GAL3ST2: variants seen among roughly 807,000 people sequenced by gnomAD.
The protein encoded by GAL3ST2 is beta-galactose-3-O-sulfotransferase 2.
Under a neutral mutation model 12.9 loss-of-function variants are expected in GAL3ST2, and 16 were observed. That is an observed-to-expected ratio of 1.24 (90% CI 0.84 to 1.88). The LOEUF is 1.88. Among genes scored for constraint, GAL3ST2 ranks in the 40% most tolerant of loss-of-function variants. GAL3ST2 has a pLI of 0.00. For synonymous variants in GAL3ST2, 302 were observed against 273.9 expected, an observed-to-expected ratio of 1.10 and a Z score of -1.01; for missense variants, 639 against 571.8, an observed-to-expected ratio of 1.12 and a Z score of -1.20.
chr2:241,797,671 G>A (rs1699789522), intron 1 of GAL3ST2, among the ~76,000 whole-genome samples: 2 of 150,674 alleles, frequency 1.3e-5, no homozygotes, highest in African/African-American at 5.0e-5. Context: ...AGGAATGGTC[G>A]TGTGACCACT....
intron 1 of GAL3ST2, among the ~76,000 whole-genome samples, chr2:241,781,913 G>T (rs1415565364): frequency 1.3e-5 from 2 of 152,238 alleles, no homozygotes; most frequent in African/African-American, 2.4e-5. Flanking sequence ...TAACCAAGGT[G>T]GTAACTCAAG....
intron 1 of GAL3ST2, among the ~76,000 whole-genome samples, chr2:241,783,151 C>A (rs917911636): frequency 6.6e-6 from 1 of 151,006 alleles, no homozygotes; most frequent in Non-Finnish European, 1.5e-5. Flanking sequence ...AAAAAAAAAA[C>A]CCACACAAAA....
Position 241,787,533 on chromosome 2 carries a change from T to TCTC in GAL3ST2, c.29+10555_29+10557dup, listed in dbSNP as rs771769168. Among the ~76,000 whole-genome samples the TCTC allele has an allele frequency of 3.5e-4, 44 of 124,546 alleles. 2 individuals carry two copies. Among genetic ancestry groups the TCTC allele is most frequent in the East Asian group, 3.4e-3 (15 of 4,364 alleles). The allele number at this position is 124,546 out of a possible 152,430, so 81.7% of individuals were successfully genotyped here. On this transcript the variant is annotated intron_variant, in intron 1 of 3. Coordinates refer to ENST00000192314, the MANE Select transcript of GAL3ST2 (RefSeq NM_022134.3). ...ATAAAGTTTATTTTGCTGTACAACT[T>TCTC]CTCCTCCTTTTTTTTTTTTTTTTTG...
chr2:241,784,541 T>G (rs1699605389), intron 1 of GAL3ST2, among the ~76,000 whole-genome samples: 1 of 152,206 alleles, frequency 6.6e-6, no homozygotes, highest in Non-Finnish European at 1.5e-5. Context: ...TGATTTAAAA[T>G]CCAGCGTATT....
At position 241,777,600 on chromosome 2, in the gene GAL3ST2, CGTCCCTGCGCTGGCAG is replaced by C. The variant is rs529674489; in HGVS notation, c.29+625_29+640del. On this transcript the variant is annotated intron_variant, in intron 1 of 3. Transcript: ENST00000192314. ...GGGTGATTCCAGGGCAGTTTGAAGCCGTCCCTGCGCTGGCAGGTCCCTGCCTCCCCGGGGCGTGTGC... is the reference window on the plus strand; with the variant it reads ...GGGTGATTCCAGGGCAGTTTGAAGCCGTCCCTGCCTCCCCGGGGCGTGTGC... Among the ~76,000 whole-genome samples, 28 of 152,302 alleles carry C rather than the reference CGTCCCTGCGCTGGCAG, an allele frequency of 1.8e-4. 1 individual carries two copies. Among genetic ancestry groups the C allele is most frequent in the East Asian group, 1.4e-3 (7 of 5,184 alleles).
rs1411075411 is a variant in GAL3ST2 at position 241,793,739 on chromosome 2, T to A, written c.30-5326T>A. ...GTATGCATGTGTGTATGTGTGTATA[T>A]GTATGTGTGTGTGTATTGTGTATGT... On this transcript the variant is annotated intron_variant, in intron 1 of 3. Transcript: ENST00000192314. The surrounding 1 kb of genome is among the most constrained non-coding windows in gnomAD (Gnocchi z 4.7). Among the ~76,000 whole-genome samples, 10 of 150,818 alleles carry A rather than the reference T, an allele frequency of 6.6e-5. No individual in the cohort carries two copies. The highest frequency in any genetic ancestry group is 2.4e-4 in the African/African-American group (10 of 41,240).
chr2:241,801,505 G>A lies in GAL3ST2; in HGVS notation c.120-276G>A, dbSNP rs970084683. ...CTTGGCCAAGATGGGGTTCATTTAGGGTTTTATTTTTAGTTCTCGGGGGCA... is the reference window on the plus strand; with the variant it reads ...CTTGGCCAAGATGGGGTTCATTTAGAGTTTTATTTTTAGTTCTCGGGGGCA... On this transcript the variant is annotated intron_variant, in intron 2 of 3. Transcript: ENST00000192314. The surrounding 1 kb of genome is among the most constrained non-coding windows in gnomAD (Gnocchi z 4.4). 12 of 540,884 alleles carry A rather than the reference G, an allele frequency of 2.2e-5. No homozygotes were observed. In the African/African-American group the frequency reaches 2.3e-4, roughly 10 times the overall value. 33.5% of individuals were successfully genotyped at this position (540,884 alleles called of 1,614,324 possible).
In GAL3ST2 at chr2:241,803,971, C is replaced by T; in HGVS notation, c.1002C>T (p.Ile334=). 2 of 1,538,486 alleles carry T rather than the reference C, an allele frequency of 1.3e-6. No homozygotes were observed. The highest frequency in any genetic ancestry group is 2.0e-5 in the Admixed American group (1 of 50,650). The change falls in exon 4 of 4, where the codon ATC becomes ATT. Residue 334 remains isoleucine, a synonymous_variant. Transcript: ENST00000192314. ...GCGCGCTCAAGAACCACACGCAGAT[C>T]AGAGACCCGCGCCTGCGCCCCTACC... is the stretch of plus-strand genomic sequence containing the variant. ...DGGALKNHTQ[I]RDPRLRPYQS... is the part of the protein sequence containing the mutation.
At chr2:241,779,377 GCGCC>G (rs1699536760) in intron 1 of GAL3ST2, among the ~76,000 whole-genome samples, 1 of 151,362 alleles carries the variant, frequency 6.6e-6, no homozygotes, top group East Asian at 2.0e-4. Flanking sequence ...GGGACTACAG[GCGCC>G]CGCCACCTCG....
rs1402730631 is a variant in GAL3ST2 at position 241,799,833 on chromosome 2, C to T, written c.119+679C>T. On this transcript the variant is annotated intron_variant, in intron 2 of 3. Transcript: ENST00000192314. ...CCAGGCCTGGGTACCCTGACCCCAC[C>T]ATCCTGGTCACTTCTGCTGGCCCTG... Among the ~76,000 whole-genome samples the T allele has an allele frequency of 1.3e-5, 2 of 152,214 alleles. 1 individual carries two copies. The highest frequency in any genetic ancestry group is 2.9e-5 in the Non-Finnish European group (2 of 68,038).
intron 1 of GAL3ST2, among the ~76,000 whole-genome samples, chr2:241,797,926 T>C (rs35320439): frequency 0.44 from 66,724 of 152,054 alleles, 17,378 homozygotes; most frequent in African/African-American, 0.73. Flanking sequence ...ATGCTGAGCT[T>C]GCCGAGTGCA....
chr2:241,792,154 C>G (rs1236600826), intron 1 of GAL3ST2, among the ~76,000 whole-genome samples: 1 of 151,794 alleles, frequency 6.6e-6, no homozygotes, highest in Non-Finnish European at 1.5e-5. Context: ...GCTGGGATTA[C>G]AGGCACCTGC....
intron 1 of GAL3ST2, 38 bp downstream of exon 1, chr2:241,777,022 G>T: frequency 6.9e-7 from 1 of 1,453,748 alleles, no homozygotes. Flanking sequence ...TGGACAAAGC[G>T]CTTCATCTGT....
At position 241,795,348 on chromosome 2, in the gene GAL3ST2, G is replaced by C. The variant is rs775843518; in HGVS notation, c.30-3717G>C. 6.6e-6 allele frequency among the ~76,000 whole-genome samples: 1 copy of C among 152,214 alleles called. No individual in the cohort carries two copies. The highest frequency in any genetic ancestry group is 1.5e-5 in the Non-Finnish European group (1 of 68,038). On this transcript the variant is annotated intron_variant, in intron 1 of 3. Transcript: ENST00000192314. The surrounding 1 kb of genome is among the most constrained non-coding windows in gnomAD (Gnocchi z 4.5). The stretch of plus-strand genomic sequence containing the variant: ...TTTAATTGGGCAGTTGCAAAGAACA[G>C]AGACAGATTCATGCTGCCGCAAGGC...
intron 1 of GAL3ST2, among the ~76,000 whole-genome samples, chr2:241,788,734 C>A (rs1013939316): frequency 1.3e-5 from 2 of 152,082 alleles, no homozygotes; most frequent in Admixed American, 6.6e-5. Flanking sequence ...AATAGTTCAT[C>A]CAGGAAACGC....
At chr2:241,784,225 G>T (rs1445020150) in intron 1 of GAL3ST2, among the ~76,000 whole-genome samples, 1 of 152,028 alleles carries the variant, frequency 6.6e-6, no homozygotes, top group Non-Finnish European at 1.5e-5. Flanking sequence ...ATTAGAAACG[G>T]CATTTCACCG....
At chr2:241,803,310 C>T in intron 3 of GAL3ST2, 35 bp from the exon 4 acceptor site, 2 of 1,527,812 alleles carry the variant, frequency 1.3e-6, no homozygotes, top group Non-Finnish European at 8.8e-7. Flanking sequence ...GGCCTGGGCC[C>T]GCGGTCCGCA....
In GAL3ST2 at chr2:241,802,597, C is replaced by T. The variant is rs1699867384; in HGVS notation, c.375+561C>T. Among the ~76,000 whole-genome samples the T allele has an allele frequency of 9.3e-6, 1 of 107,450 alleles. No homozygotes were observed. Among genetic ancestry groups the T allele is most frequent in the Non-Finnish European group, 1.9e-5 (1 of 52,516 alleles). 70.5% of individuals were successfully genotyped at this position (107,450 alleles called of 152,430 possible). On this transcript the variant is annotated intron_variant, in intron 3 of 3. Transcript: ENST00000192314. The surrounding 1 kb of genome is among the most constrained non-coding windows in gnomAD (Gnocchi z 4.8). ...GTGGGGAGAGGTGATGGGCAGAGAGCGGGGCAGCGGGGGTGTGCTGTGGGG... is the reference window on the plus strand; with the variant it reads ...GTGGGGAGAGGTGATGGGCAGAGAGTGGGGCAGCGGGGGTGTGCTGTGGGG...
chr2:241,777,049 G>T, intron 1 of GAL3ST2, 65 bp downstream of exon 1: 2 of 1,329,178 alleles, frequency 1.5e-6, no homozygotes, highest in Admixed American at 2.7e-5. Context: ...TCTGAGAGAC[G>T]GACAGGAGTG....
Sources: allele counts gnomAD v4.1 joint callset (sites outside exome capture counted in the v4.1 genomes callset), GRCh38; gene constraint gnomAD v4.1.1; non-coding constraint Gnocchi (gnomAD v3.1); transcripts MANE v1.5; gene names NCBI Gene and HGNC (gene_info 2026-07-23, HGNC 2026-07-21).